Variants in SLCO3A1 observed in about 807,000 individuals in gnomAD.
SLCO3A1 encodes the protein solute carrier organic anion transporter family member 3A1.
In SLCO3A1, 27 loss-of-function variants were observed where a neutral mutation model predicts 63.1. The observed-to-expected ratio is 0.43, with a 90% CI of 0.32 to 0.59. The LOEUF (loss-of-function observed/expected upper bound fraction) is 0.59, where lower values mean the gene tolerates loss of function less well. Ranked by LOEUF, SLCO3A1 falls within the 20% of genes least tolerant of loss-of-function variation. The pLI, the probability that SLCO3A1 is intolerant of heterozygous loss-of-function variation, is 0.09. For missense variants in SLCO3A1, 773 were observed against 945.8 expected (o/e 0.82, Z 2.40); for synonymous variants, 473 against 409.9 (o/e 1.15, Z -1.86).
In SLCO3A1 at chr15:91,948,078, T is replaced by C. The variant is rs1229045640; in HGVS notation, c.646+31620T>C. On this transcript the variant is annotated intron_variant, in intron 2 of 9. Transcript: ENST00000318445. The surrounding 1 kb of genome is among the most constrained non-coding windows in gnomAD (Gnocchi z 4.8). The stretch of plus-strand genomic sequence containing the variant: ...GACAGATAGACGAATGGAGATAAAA[T>C]AGAGATTGACTTCTGCATTCCTTGC... Among the ~76,000 whole-genome samples the C allele has an allele frequency of 6.6e-6, 1 of 152,074 alleles. No individual in the cohort carries two copies. Among genetic ancestry groups the C allele is most frequent in the Admixed American group, 6.5e-5 (1 of 15,274 alleles).
intron 1 of SLCO3A1, among the ~76,000 whole-genome samples, chr15:91,881,210 C>G (rs753316127): frequency 6.6e-6 from 1 of 152,154 alleles, no homozygotes; most frequent in Non-Finnish European, 1.5e-5. Flanking sequence ...AACCTGAACC[C>G]TTATTCTAGG....
intron 1 of SLCO3A1, among the ~76,000 whole-genome samples, chr15:91,864,030 C>T (rs1233328690): frequency 1.3e-5 from 2 of 152,200 alleles, no homozygotes; most frequent in East Asian, 3.9e-4. Flanking sequence ...TTGCAGCTTG[C>T]ACTTGATGGA....
At chr15:91,976,429 T>C (rs776579412) in intron 2 of SLCO3A1, among the ~76,000 whole-genome samples, 1 of 152,228 alleles carries the variant, frequency 6.6e-6, no homozygotes, top group Admixed American at 6.5e-5. Context: ...TATTTTACTT[T>C]AGACCAGCTA....
intron 2 of SLCO3A1, among the ~76,000 whole-genome samples, chr15:91,918,102 C>T (rs1898722033): frequency 6.6e-6 from 1 of 152,092 alleles, no homozygotes; most frequent in Admixed American, 6.5e-5. Context: ...GGAAGTGTCT[C>T]CTGATGAGTT....
intron 2 of SLCO3A1, among the ~76,000 whole-genome samples, chr15:92,002,445 C>T (rs1479387894): frequency 6.6e-6 from 1 of 152,160 alleles, no homozygotes; most frequent in Non-Finnish European, 1.5e-5. Context: ...CTTACAAGTC[C>T]ATAAGGCCCA....
intron 2 of SLCO3A1, among the ~76,000 whole-genome samples, chr15:92,009,194 A>G (rs996781716): frequency 6.6e-6 from 1 of 152,176 alleles, no homozygotes; most frequent in South Asian, 2.1e-4. Flanking sequence ...TACAGTTGGG[A>G]AGTCTGCAAA....
At chr15:92,045,360 G>C (rs2046848655) in intron 2 of SLCO3A1, among the ~76,000 whole-genome samples, 1 of 150,762 alleles carries the variant, frequency 6.6e-6, no homozygotes. Context: ...GCATACACAA[G>C]AGATAAAAAT....
chr15:92,058,526 C>A (rs1399257231), intron 2 of SLCO3A1, among the ~76,000 whole-genome samples: 1 of 152,114 alleles, frequency 6.6e-6, no homozygotes, highest in East Asian at 1.9e-4. Flanking sequence ...GATGACCCCA[C>A]CTGCTATCCC....
intron 2 of SLCO3A1, among the ~76,000 whole-genome samples, chr15:92,026,995 C>T (rs1362128850): frequency 1.3e-5 from 2 of 151,488 alleles, no homozygotes; most frequent in Non-Finnish European, 2.9e-5. Flanking sequence ...GAGGCTGAGA[C>T]AGGAGAATCA....
At position 91,994,447 on chromosome 15, in the gene SLCO3A1, T is replaced by G. The variant is rs139722971; in HGVS notation, c.646+77989T>G. On this transcript the variant is annotated intron_variant, in intron 2 of 9. Coordinates refer to ENST00000318445, the MANE Select transcript of SLCO3A1 (RefSeq NM_013272.4). Reference sequence around the variant, plus strand: ...TGGAATTTGAATTGAGCAAGCAGTCTACCCCTTAGCAGAATCTGCTTTTTT... The same window carrying G: ...TGGAATTTGAATTGAGCAAGCAGTCGACCCCTTAGCAGAATCTGCTTTTTT... Among the ~76,000 whole-genome samples the G allele has an allele frequency of 4.8e-3, 724 of 152,364 alleles. 4 individuals are homozygous for G. The highest frequency in any genetic ancestry group is 0.017 in the Middle Eastern group (5 of 294).
Position 91,882,822 on chromosome 15 carries a change from A to T in SLCO3A1, c.180+28734A>T, listed in dbSNP as rs1897625478. ...CAGGTGTGAGCTACCGCGCCCAGCC[A>T]TGACTTCTTAATCCCACTCGGATTT... On this transcript the variant is annotated intron_variant, in intron 1 of 9. Transcript: ENST00000318445. This position sits in a 1 kb window ranked among gnomAD's most constrained non-coding sequence, Gnocchi z 4.4. Among the ~76,000 whole-genome samples, 1 of 152,202 alleles carries T rather than the reference A, an allele frequency of 6.6e-6. No individual in the cohort carries two copies. Among genetic ancestry groups the T allele is most frequent in the Non-Finnish European group, 1.5e-5 (1 of 68,024 alleles).
At position 92,164,502 on chromosome 15, in the gene SLCO3A1, A is replaced by C; in HGVS notation, c.*1367A>C. 2.0e-6 allele frequency: 2 copies of C among 985,416 alleles called. No individual in the cohort carries two copies. Among genetic ancestry groups the C allele is most frequent in the Non-Finnish European group, 2.4e-6 (2 of 829,936 alleles). 61.0% of individuals were successfully genotyped at this position (985,416 alleles called of 1,614,324 possible). A position where few individuals can be genotyped will look rare whatever the true frequency, so the allele number is the denominator to read the frequency against. ...TGACATTCCAAGAGGCGTTCTTTTC[A>C]GCCTGTGGAGGAGACACTCTTAGAT... On this transcript the variant is annotated 3_prime_UTR_variant, in exon 10 of 10. Coordinates refer to ENST00000318445, the MANE Select transcript of SLCO3A1 (RefSeq NM_013272.4).
At chr15:91,971,575 C>T (rs987209523) in intron 2 of SLCO3A1, among the ~76,000 whole-genome samples, 10 of 151,870 alleles carry the variant, frequency 6.6e-5, no homozygotes, top group African/African-American at 2.2e-4. Context: ...TTCCTAAGCA[C>T]AGGACACCTG....
chr15:92,147,930 T>C (rs1452752268), intron 8 of SLCO3A1, among the ~76,000 whole-genome samples: 3 of 152,186 alleles, frequency 2.0e-5, no homozygotes, highest in African/African-American at 7.2e-5. Context: ...ACACAAAGAC[T>C]CATCAGCTGG....
At chr15:92,153,276 T>C (rs2048330558) in intron 9 of SLCO3A1, among the ~76,000 whole-genome samples, 1 of 152,176 alleles carries the variant, frequency 6.6e-6, no homozygotes, top group African/African-American at 2.4e-5. Context: ...AAATACTCAC[T>C]GTAATAGGTA....
intron 2 of SLCO3A1, among the ~76,000 whole-genome samples, chr15:92,083,013 A>G (rs188803343): frequency 1.7e-3 from 258 of 152,356 alleles, no homozygotes; most frequent in African/African-American, 6.1e-3. Context: ...TGAATAAATC[A>G]GAAGGGGCAG....
intron 1 of SLCO3A1, among the ~76,000 whole-genome samples, chr15:91,884,750 C>CT (rs893536180): frequency 6.4e-4 from 97 of 150,948 alleles, no homozygotes; most frequent in African/African-American, 2.1e-3. Context: ...GGTGACATTT[C>CT]TTTTTTTTTA....
rs1365269705 is a variant in SLCO3A1, at chr15:91,894,440, T to C, written c.181-21553T>C. 6.6e-6 allele frequency among the ~76,000 whole-genome samples: 1 copy of C among 151,732 alleles called. No homozygotes were observed. The highest frequency in any genetic ancestry group is 2.4e-5 in the African/African-American group (1 of 41,334). On this transcript the variant is annotated intron_variant, in intron 1 of 9. Coordinates refer to ENST00000318445, the MANE Select transcript of SLCO3A1 (RefSeq NM_013272.4). The surrounding 1 kb of genome is among the most constrained non-coding windows in gnomAD (Gnocchi z 4.8). ...GTGTGGTGGTATCTCAGGTGAGGGG[T>C]TGATGGTCGCCAGGTCATAGGTGGT... is the stretch of plus-strand genomic sequence containing the variant.
Position 92,163,974 on chromosome 15 carries a change from G to C in SLCO3A1, c.*839G>C. On this transcript the variant is annotated 3_prime_UTR_variant, in exon 10 of 10. Coordinates refer to ENST00000318445, the MANE Select transcript of SLCO3A1 (RefSeq NM_013272.4). ...CTATGACTGACCCGGCTCAGAGCTG[G>C]TGAGACCCAACGCAGTCCAAGTCAT... 1.0e-6 allele frequency: 1 copy of C among 985,448 alleles called. No individual in the cohort carries two copies. Among genetic ancestry groups the C allele is most frequent in the Non-Finnish European group, 1.2e-6 (1 of 829,948 alleles). The allele number at this position is 985,448 out of a possible 1,614,324, so 61.0% of individuals were successfully genotyped here.
Sources: gnomAD v4.1 joint callset for allele counts (sites outside exome capture counted in the v4.1 genomes callset) on GRCh38, gnomAD v4.1.1 for gene constraint, Gnocchi (gnomAD v3.1) non-coding constraint, MANE v1.5 for transcripts, NCBI Gene and HGNC (gene_info 2026-07-23, HGNC 2026-07-21) for gene names.